JPH3: variants seen among roughly 807,000 people sequenced by gnomAD.
JPH3 encodes junctophilin 3.
JPH3 carries 11 observed loss-of-function variants against 59.6 expected under a neutral mutation model. The ratio of observed to expected loss-of-function variants is 0.18; its 90% CI spans 0.12 to 0.31. The LOEUF (loss-of-function observed/expected upper bound fraction) is 0.31. Among genes scored for constraint, JPH3 ranks in the 10% least tolerant of loss-of-function variants. The probability of loss-of-function intolerance (pLI) is 1.00; values close to 1 mark genes in which losing one functional copy is unlikely to be tolerated. For synonymous variants in JPH3, 673 were observed against 483.6 expected (o/e 1.39, Z -5.14); for missense variants, 1,202 against 1,105.7 (o/e 1.09, Z -1.24).
At chr16:87,659,997 T>G (rs2032648664) in intron 2 of JPH3, among the ~76,000 whole-genome samples, 1 of 152,138 alleles carries the variant, frequency 6.6e-6, no homozygotes, top group Non-Finnish European at 1.5e-5. Context: ...TGAAGGGGAT[T>G]CCTTTCCTTG....
In JPH3 at chr16:87,690,108, C is replaced by A. The variant is rs748627807; in HGVS notation, c.1748C>A (p.Thr583Lys). The A allele has an allele frequency of 1.4e-5, 22 of 1,577,674 alleles. No individual in the cohort carries two copies. Among genetic ancestry groups the A allele is most frequent in the Non-Finnish European group, 1.6e-5 (19 of 1,161,988 alleles). The change falls in exon 4 of 5, where the codon ACG becomes AAG. Residue 583 changes from threonine (T) to lysine (K), a missense_variant. By Grantham distance (78) the Thr-to-Lys change is moderately conservative. Coordinates refer to ENST00000284262, the MANE Select transcript of JPH3 (RefSeq NM_020655.4). ...ERRTESPPVF[T>K]WTSHHRASNH... is the part of the protein sequence containing the mutation. ...CGGACGGAGTCACCCCCCGTGTTCACGTGGACTTCCCACCACCGGGCCAGC... is the reference window on the plus strand; with the variant it reads ...CGGACGGAGTCACCCCCCGTGTTCAAGTGGACTTCCCACCACCGGGCCAGC...
At chr16:87,684,289 C>T (rs778953009) in intron 3 of JPH3, 23 bp downstream of exon 3, 13 of 1,612,692 alleles carry the variant, frequency 8.1e-6, no homozygotes, top group Middle Eastern at 1.7e-4. Flanking sequence ...GGGCCTGATA[C>T]TGGCATCGTG....
intron 1 of JPH3, among the ~76,000 whole-genome samples, chr16:87,642,856 G>C (rs1441022316): frequency 6.6e-6 from 1 of 152,244 alleles, no homozygotes; most frequent in Non-Finnish European, 1.5e-5. Context: ...CATGGGCCCA[G>C]GTCTGCTGAC....
chr16:87,681,678 C>T (rs8060925), intron 2 of JPH3, among the ~76,000 whole-genome samples: 17,308 of 148,586 alleles, frequency 0.12, 1,371 homozygotes, highest in Admixed American at 0.18. Flanking sequence ...GTGACAGTTC[C>T]GGGAGGTCAG....
At chr16:87,649,483 A>G (rs1045193034) in intron 2 of JPH3, among the ~76,000 whole-genome samples, 11 of 152,164 alleles carry the variant, frequency 7.2e-5, no homozygotes, top group Non-Finnish European at 1.3e-4. Flanking sequence ...ATGAAACTCA[A>G]TTGCTGTCCT....
intron 1 of JPH3, among the ~76,000 whole-genome samples, chr16:87,621,146 G>A (rs957335436): frequency 1.3e-4 from 20 of 150,878 alleles, no homozygotes; most frequent in African/African-American, 3.9e-4. Context: ...GCAACAGAGC[G>A]AGACTCTGTC....
chr16:87,623,745 G>A (rs28716926), intron 1 of JPH3, among the ~76,000 whole-genome samples: 1,606 of 152,206 alleles, frequency 0.011, 12 homozygotes, highest in Non-Finnish European at 0.014. Context: ...CCCCCACAAC[G>A]CATGGGCCAC....
chr16:87,630,313 G>T (rs2031524288), intron 1 of JPH3, among the ~76,000 whole-genome samples: 1 of 152,158 alleles, frequency 6.6e-6, no homozygotes, highest in Admixed American at 6.5e-5. Context: ...TTGGCCTCTG[G>T]CATGTCCACC....
At chr16:87,643,967 A>G (rs1489457254) in intron 1 of JPH3, among the ~76,000 whole-genome samples, 3 of 152,154 alleles carry the variant, frequency 2.0e-5, no homozygotes, top group Non-Finnish European at 2.9e-5. Context: ...TGAGACTGCC[A>G]TCTCTACAAA....
intron 1 of JPH3, among the ~76,000 whole-genome samples, chr16:87,613,630 G>T (rs2030821936): frequency 6.6e-6 from 1 of 152,130 alleles, no homozygotes; most frequent in South Asian, 2.1e-4. Flanking sequence ...CTATTGTGTT[G>T]TTTTTGAATA....
chr16:87,693,915 C>T (rs1465334383), intron 4 of JPH3: 1 of 152,246 alleles, frequency 6.6e-6, no homozygotes, highest in African/African-American at 2.4e-5. Context: ...TGGAAAACCG[C>T]CATTCGGGCC....
intron 1 of JPH3, among the ~76,000 whole-genome samples, chr16:87,620,209 A>G (rs751042943): frequency 3.3e-5 from 5 of 151,902 alleles, no homozygotes; most frequent in East Asian, 2.0e-4. Flanking sequence ...CTGGGTGGCT[A>G]TGTCCACACT....
At chr16:87,659,579 AGTGTATTAGTGGGT>A (rs1459279191) in intron 2 of JPH3, among the ~76,000 whole-genome samples, 1 of 151,804 alleles carries the variant, frequency 6.6e-6, no homozygotes, top group Admixed American at 6.6e-5. Flanking sequence ...AAAAATTAGT[AGTGTATTAGTGGGT>A]GTGGTGACAG....
At chr16:87,675,810 G>C (rs926607230) in intron 2 of JPH3, among the ~76,000 whole-genome samples, 5 of 152,220 alleles carry the variant, frequency 3.3e-5, no homozygotes, top group Non-Finnish European at 7.3e-5. Context: ...GGAGGGGCTG[G>C]GGAGAGGACC....
Position 87,604,850 on chromosome 16 carries a change from C to T in JPH3, c.382+1322C>T, listed in dbSNP as rs544211247. 7 of 398,728 alleles carry T rather than the reference C, an allele frequency of 1.8e-5. No homozygotes were observed. The Middle Eastern group carries it at 1.5e-3, about 85-fold the overall frequency. The allele number at this position is 398,728 out of a possible 1,614,324, so 24.7% of individuals were successfully genotyped here. Reference sequence around the variant, plus strand: ...TCCTGCCTGTCAAAGCCGTGCCCAGCCCCGGTCTCAGGCGGCCTTTTCTGT... The same window carrying T: ...TCCTGCCTGTCAAAGCCGTGCCCAGTCCCGGTCTCAGGCGGCCTTTTCTGT... On this transcript the variant is annotated intron_variant, in intron 1 of 4. Coordinates refer to ENST00000284262, the MANE Select transcript of JPH3 (RefSeq NM_020655.4).
At chr16:87,672,399 C>T (rs147340426) in intron 2 of JPH3, among the ~76,000 whole-genome samples, 4 of 152,326 alleles carry the variant, frequency 2.6e-5, no homozygotes, top group African/African-American at 7.2e-5. Flanking sequence ...ACCCCAGCCG[C>T]GCCCTTGGCA....
At chr16:87,667,813 T>C (rs2032910344) in intron 2 of JPH3, among the ~76,000 whole-genome samples, 1 of 150,692 alleles carries the variant, frequency 6.6e-6, no homozygotes, top group East Asian at 1.9e-4. Flanking sequence ...TTTTTGTTTG[T>C]TTTGTTTTGT....
chr16:87,657,704 A>G (rs66690883), intron 2 of JPH3, among the ~76,000 whole-genome samples: 32,618 of 152,058 alleles, frequency 0.21, 3,734 homozygotes, highest in East Asian at 0.31. Flanking sequence ...CTGGGGTGTG[A>G]CCCTAGCTTA....
chr16:87,630,650 T>C (rs900698866), intron 1 of JPH3, among the ~76,000 whole-genome samples: 1 of 152,246 alleles, frequency 6.6e-6, no homozygotes, highest in Non-Finnish European at 1.5e-5. Flanking sequence ...AGCTATTATG[T>C]GCCCATAGTT....
Sources: allele counts gnomAD v4.1 joint callset (sites outside exome capture counted in the v4.1 genomes callset), GRCh38; gene constraint gnomAD v4.1.1; transcripts MANE v1.5; gene names NCBI Gene and HGNC (gene_info 2026-07-23, HGNC 2026-07-21).